NEGR1: variants seen among roughly 807,000 people sequenced by gnomAD.
The protein encoded by NEGR1 is neuronal growth regulator 1.
NEGR1 carries 10 observed loss-of-function variants against 40.9 expected under a neutral mutation model. The observed-to-expected ratio is 0.24, with a 90% CI of 0.15 to 0.42. NEGR1 has a LOEUF of 0.42. Ranked by LOEUF, NEGR1 falls within the 10% of genes least tolerant of loss-of-function variation. The probability of loss-of-function intolerance (pLI) is 1.00; values close to 1 mark genes in which losing one functional copy is unlikely to be tolerated. For missense variants in NEGR1, 352 were observed against 438.9 expected (o/e 0.80, Z 1.77); for synonymous variants, 185 against 166.8 (o/e 1.11, Z -0.84).
intron 1 of NEGR1, among the ~76,000 whole-genome samples, chr1:72,280,474 G>T (rs1168155534): frequency 6.6e-6 from 1 of 152,148 alleles, no homozygotes; most frequent in Non-Finnish European, 1.5e-5. Context: ...TGAAGATAGT[G>T]TCTTGCCCTT....
chr1:71,945,791 A>C (rs956368237), intron 1 of NEGR1, among the ~76,000 whole-genome samples: 2 of 152,196 alleles, frequency 1.3e-5, no homozygotes, highest in Non-Finnish European at 2.9e-5. Context: ...AATAGTTGCA[A>C]AATTGAGATA....
chr1:71,805,397 G>A (rs1488327149), intron 2 of NEGR1, among the ~76,000 whole-genome samples: 3 of 152,082 alleles, frequency 2.0e-5, no homozygotes, highest in Non-Finnish European at 4.4e-5. Context: ...CACGGAACCT[G>A]CCGACATGTG....
intron 1 of NEGR1, among the ~76,000 whole-genome samples, chr1:72,083,587 C>T (rs749865765): frequency 4.0e-5 from 6 of 151,416 alleles, no homozygotes; most frequent in Non-Finnish European, 7.4e-5. Flanking sequence ...TGTTAGAATT[C>T]GATAGAAAAA....
intron 1 of NEGR1, among the ~76,000 whole-genome samples, chr1:72,049,810 G>A (rs1172393791): frequency 6.6e-6 from 1 of 151,522 alleles, no homozygotes; most frequent in Non-Finnish European, 1.5e-5. Flanking sequence ...AATTGTTGGT[G>A]TTATTATTTC....
At chr1:71,904,633 T>G (rs1661228856) in intron 2 of NEGR1, among the ~76,000 whole-genome samples, 1 of 152,110 alleles carries the variant, frequency 6.6e-6, no homozygotes, top group Admixed American at 6.6e-5. Flanking sequence ...GTGAACAAAT[T>G]CAAACTAGAA....
chr1:72,091,237 A>G (rs772399176), intron 1 of NEGR1, among the ~76,000 whole-genome samples: 6 of 152,184 alleles, frequency 3.9e-5, no homozygotes, highest in Non-Finnish European at 7.3e-5. Context: ...ATGTAAAGAC[A>G]TACATGGTCA....
chr1:72,190,790 G>A (rs1652792763), intron 1 of NEGR1, among the ~76,000 whole-genome samples: 1 of 151,364 alleles, frequency 6.6e-6, no homozygotes, highest in Non-Finnish European at 1.5e-5. Context: ...GGAAATAAAT[G>A]ACCTGCCACT....
chr1:71,823,912 T>C (rs1342661581), intron 2 of NEGR1, among the ~76,000 whole-genome samples: 8 of 152,056 alleles, frequency 5.3e-5, no homozygotes, highest in African/African-American at 1.7e-4. Flanking sequence ...TACATGCAGG[T>C]GGTGATCACA....
chr1:72,242,459 G>C (rs796676317), intron 1 of NEGR1, among the ~76,000 whole-genome samples: 159 of 151,646 alleles, frequency 1.0e-3, no homozygotes, highest in African/African-American at 3.5e-3. Flanking sequence ...TCAGGCCTCA[G>C]TTATGCATAG....
intron 1 of NEGR1, among the ~76,000 whole-genome samples, chr1:72,183,795 G>T (rs1157878920): frequency 6.6e-6 from 1 of 152,032 alleles, no homozygotes; most frequent in Non-Finnish European, 1.5e-5. Context: ...AACTTGAGAG[G>T]ATGTTATTTC....
intron 1 of NEGR1, among the ~76,000 whole-genome samples, chr1:72,020,476 G>T (rs932386969): frequency 6.6e-6 from 1 of 152,064 alleles, no homozygotes. Context: ...TGGGTCTTGT[G>T]AAGAGACCAA....
intron 1 of NEGR1, among the ~76,000 whole-genome samples, chr1:72,210,201 A>G (rs1653550509): frequency 6.6e-6 from 1 of 151,766 alleles, no homozygotes; most frequent in Admixed American, 6.6e-5. Context: ...TGTCTTTTTT[A>G]CTATTATGGC....
intron 3 of NEGR1, among the ~76,000 whole-genome samples, chr1:71,766,724 T>C (rs145842138): frequency 3.6e-4 from 55 of 152,350 alleles, no homozygotes; most frequent in African/African-American, 1.3e-3. Flanking sequence ...CATGTGGAAT[T>C]GTAATCCTCA....
Position 71,664,928 on chromosome 1 carries a change from A to G in NEGR1, c.667+33080T>C, listed in dbSNP as rs535635682. 3.3e-5 allele frequency among the ~76,000 whole-genome samples: 5 copies of G among 152,302 alleles called. No homozygotes were observed. In the South Asian group the frequency reaches 8.3e-4, roughly 25 times the overall value. ...TAACCTTTAATAAGAAGGTATAAAC[A>G]TACATTTTCTATTAAACCTTCCTTT... is the stretch of plus-strand genomic sequence containing the variant. On this transcript the variant is annotated intron_variant, in intron 4 of 6. Coordinates refer to ENST00000357731, the MANE Select transcript of NEGR1 (RefSeq NM_173808.3).
At chr1:72,067,222 A>T (rs1647297318) in intron 1 of NEGR1, among the ~76,000 whole-genome samples, 1 of 152,128 alleles carries the variant, frequency 6.6e-6, no homozygotes, top group East Asian at 1.9e-4. Flanking sequence ...TGAATCTTTC[A>T]TGTTTGGTAA....
intron 3 of NEGR1, among the ~76,000 whole-genome samples, chr1:71,756,107 T>C (rs886612661): frequency 6.6e-6 from 1 of 152,134 alleles, no homozygotes; most frequent in African/African-American, 2.4e-5. Flanking sequence ...GACTTATTGA[T>C]CACTCCAGGC....
chr1:71,635,124 A>AAC (rs1403843515), intron 4 of NEGR1, among the ~76,000 whole-genome samples: 2 of 152,064 alleles, frequency 1.3e-5, no homozygotes, highest in African/African-American at 4.8e-5. Context: ...TATCAAGGGG[A>AAC]ACACAGGATA....
intron 1 of NEGR1, among the ~76,000 whole-genome samples, chr1:72,203,827 C>T (rs1653299207): frequency 6.6e-6 from 1 of 152,080 alleles, no homozygotes; most frequent in South Asian, 2.1e-4. Context: ...AGGCAAGACC[C>T]TCCAACAGAA....
intron 2 of NEGR1, among the ~76,000 whole-genome samples, chr1:71,842,300 G>A (rs1465200150): frequency 6.6e-6 from 1 of 152,036 alleles, no homozygotes; most frequent in Non-Finnish European, 1.5e-5. Context: ...CTTTTGAAGG[G>A]GAAATCCACT....
Sources: gnomAD v4.1 joint callset for allele counts (sites outside exome capture counted in the v4.1 genomes callset) on GRCh38, gnomAD v4.1.1 for gene constraint, MANE v1.5 for transcripts, NCBI Gene and HGNC (gene_info 2026-07-23, HGNC 2026-07-21) for gene names.